TBC1D10C: variants seen among roughly 807,000 people sequenced by gnomAD.
The protein encoded by TBC1D10C is carabin.
Under a neutral mutation model 51.0 loss-of-function variants are expected in TBC1D10C, and 49 were observed. The observed-to-expected ratio is 0.96, with a 90% CI of 0.76 to 1.22. TBC1D10C has a LOEUF of 1.22. Among genes scored for constraint, TBC1D10C ranks in the 50% most tolerant of loss-of-function variants. TBC1D10C has a pLI of 0.00. For missense variants in TBC1D10C, 541 were observed against 617.5 expected, an observed-to-expected ratio of 0.88 and a Z score of 1.31; for synonymous variants, 281 against 266.7, an observed-to-expected ratio of 1.05 and a Z score of -0.52.
In TBC1D10C at chr11:67,404,289, C is replaced by T. The variant is rs1167480670; in HGVS notation, c.87C>T (p.Ser29=). The T allele has an allele frequency of 1.0e-5, 16 of 1,602,112 alleles. No individual in the cohort carries two copies. The highest frequency in any genetic ancestry group is 8.8e-5 in the South Asian group (8 of 90,748). ...SSSLGSDSEL[S]GPGPYRQADR... ...CCTTGGGGTCCGACTCAGAGCTCAG[C>T]GGGCCTGGCCCATATCGCCAGGCCG... Residue 29 remains serine, a synonymous_variant, in exon 1 of 9, where the codon AGC becomes AGT. Coordinates refer to ENST00000542590, the MANE Select transcript of TBC1D10C (RefSeq NM_001369496.1).
Position 67,406,921 on chromosome 11 carries a change from C to T in TBC1D10C, c.743C>T (p.Pro248Leu). 2 of 1,612,736 alleles carry T rather than the reference C, an allele frequency of 1.2e-6. No individual in the cohort carries two copies. Among genetic ancestry groups the T allele is most frequent in the Non-Finnish European group, 1.7e-6 (2 of 1,179,970 alleles). The change falls in exon 7 of 9, where the codon CCC becomes CTC. Residue 248 changes from proline (P) to leucine (L), a missense_variant. Transcript: ENST00000542590. ...HKHLQQVGVGPLLYLPEWFLC... is the reference protein window; with the variant it reads ...HKHLQQVGVGLLLYLPEWFLC... Reference sequence around the variant, plus strand: ...CACCTGCAGCAGGTGGGCGTCGGACCCCTGCTGTACCTGCCCGAGTGGTTC... The same window carrying T: ...CACCTGCAGCAGGTGGGCGTCGGACTCCTGCTGTACCTGCCCGAGTGGTTC...
At chr11:67,406,153 G>T in intron 5 of TBC1D10C, 136 bp downstream of exon 5, 1 of 706,634 alleles carries the variant, frequency 1.4e-6, no homozygotes, top group Non-Finnish European at 2.2e-6. Flanking sequence ...CCTCATGACT[G>T]CCAGCCTCAG....
rs1373579044 is a variant in TBC1D10C at position 67,409,975 on chromosome 11, G to A, written c.*221G>A. On this transcript the variant is annotated 3_prime_UTR_variant, in exon 9 of 9. Coordinates refer to ENST00000542590, the MANE Select transcript of TBC1D10C (RefSeq NM_001369496.1). ...GGGGCACGTGAGGACCCATGGAACC[G>A]TCCTGGTGCCCAGGCCCTCACAAGT... is the stretch of plus-strand genomic sequence containing the variant. 7.5e-6 allele frequency: 4 copies of A among 532,436 alleles called. No homozygotes were observed. Among genetic ancestry groups the A allele is most frequent in the Admixed American group, 7.5e-5 (2 of 26,624 alleles). 33.0% of individuals were successfully genotyped at this position (532,436 alleles called of 1,614,324 possible).
chr11:67,407,206 A>G lies in TBC1D10C; in HGVS notation c.838+190A>G. On this transcript the variant is annotated intron_variant, in intron 7 of 8. Coordinates refer to ENST00000542590, the MANE Select transcript of TBC1D10C (RefSeq NM_001369496.1). ...GCACCGCCTGGTGCAGAGCTGGGCC[A>G]GGGAGGCTTCCAGAGGAGGCAGATG... 7.2e-6 allele frequency: 5 copies of G among 699,068 alleles called. No homozygotes were observed. In the South Asian group the frequency reaches 9.9e-5, roughly 14 times the overall value. The allele number at this position is 699,068 out of a possible 1,614,324, so 43.3% of individuals were successfully genotyped here.
At position 67,409,388 on chromosome 11, in the gene TBC1D10C, C is replaced by T; in HGVS notation, c.994-19C>T. ...CTGCCTTGAGGCCGGGCAAACGCAG[C>T]ACCAACTGCTCCCCACAGGTGCACA... On this transcript the variant is annotated intron_variant, in intron 8 of 8. Coordinates refer to ENST00000542590, the MANE Select transcript of TBC1D10C (RefSeq NM_001369496.1). The T allele has an allele frequency of 6.5e-7, 1 of 1,543,498 alleles. No individual in the cohort carries two copies. The highest frequency in any genetic ancestry group is 8.7e-7 in the Non-Finnish European group (1 of 1,143,146).
In TBC1D10C at chr11:67,409,649, C is replaced by A. The variant is rs376647654; in HGVS notation, c.1236C>A (p.Arg412=). The A allele has an allele frequency of 6.2e-7, 1 of 1,600,912 alleles. No individual in the cohort carries two copies. Among genetic ancestry groups the A allele is most frequent in the African/African-American group, 1.3e-5 (1 of 74,948 alleles). The change falls in exon 9 of 9, where the codon CGC becomes CGA. Residue 412 remains arginine, a synonymous_variant. Coordinates refer to ENST00000542590, the MANE Select transcript of TBC1D10C (RefSeq NM_001369496.1). ...PRPPRRKPQT[R]GKTFHGLLTR... ...CACCGCGGCGGAAACCCCAGACCCGCGGCAAGACTTTCCATGGGCTCCTGA... is the reference window on the plus strand; with the variant it reads ...CACCGCGGCGGAAACCCCAGACCCGAGGCAAGACTTTCCATGGGCTCCTGA...
chr11:67,409,838 T>A lies in TBC1D10C; in HGVS notation c.*84T>A. Reference sequence around the variant, plus strand: ...GCAAATAGGCACCGCACTTTACTCTTGGGACTCGGGGACTTGGCTTCCTTC... The same window carrying A: ...GCAAATAGGCACCGCACTTTACTCTAGGGACTCGGGGACTTGGCTTCCTTC... On this transcript the variant is annotated 3_prime_UTR_variant, in exon 9 of 9. Transcript: ENST00000542590. 1.6e-6 allele frequency: 2 copies of A among 1,246,580 alleles called. No individual in the cohort carries two copies. Among genetic ancestry groups the A allele is most frequent in the Non-Finnish European group, 2.2e-6 (2 of 911,844 alleles). The allele number at this position is 1,246,580 out of a possible 1,614,324, so 77.2% of individuals were successfully genotyped here.
intron 3 of TBC1D10C, 23 bp downstream of exon 3, chr11:67,405,529 C>T: frequency 1.2e-6 from 2 of 1,613,482 alleles, no homozygotes; most frequent in Non-Finnish European, 1.7e-6. Flanking sequence ...GCAGGGGCCC[C>T]AATTCCCCTA....
intron 7 of TBC1D10C, chr11:67,407,442 T>C (rs1863222234): frequency 5.5e-6 from 1 of 182,534 alleles, no homozygotes; most frequent in South Asian, 1.3e-4. Flanking sequence ...TATTTATAGA[T>C]TGTCAGAAGT....
At position 67,405,577 on chromosome 11, in the gene TBC1D10C, C is replaced by T; in HGVS notation, c.361-18C>T. ...CACCACACTGAACCCTCACACCCAC[C>T]TTCCTGGCTACCCACAGGAGCTGGC... On this transcript the variant is annotated intron_variant, in intron 3 of 8. Transcript: ENST00000542590. 1 of 1,613,932 alleles carries T rather than the reference C, an allele frequency of 6.2e-7. No homozygotes were observed. Among genetic ancestry groups the T allele is most frequent in the Non-Finnish European group, 8.5e-7 (1 of 1,179,950 alleles).
intron 3 of TBC1D10C, 30 bp downstream of exon 3, chr11:67,405,536 C>G: frequency 6.2e-7 from 1 of 1,613,574 alleles, no homozygotes; most frequent in Non-Finnish European, 8.5e-7. Flanking sequence ...CCCCAATTCC[C>G]CTACCCAGAG....
chr11:67,409,413 A>G lies in TBC1D10C; in HGVS notation c.1000A>G (p.Ser334Gly), dbSNP rs1430998000. The change falls in exon 9 of 9, where the codon AGC becomes GGC. Residue 334 changes from serine to glycine, a missense_variant. Ser to Gly is a moderately conservative substitution (Grantham distance 56). Coordinates refer to ENST00000542590, the MANE Select transcript of TBC1D10C (RefSeq NM_001369496.1). The stretch of plus-strand genomic sequence containing the variant: ...CACCAACTGCTCCCCACAGGTGCAC[A>G]GCGTGGTGCTGTCAGAGCGGGACCT... Reference protein sequence around the residue: ...QEEAFMSQVHSVVLSERDLQR... With the variant: ...QEEAFMSQVHGVVLSERDLQR... 10 of 1,548,478 alleles carry G rather than the reference A, an allele frequency of 6.5e-6. No individual in the cohort carries two copies. Among genetic ancestry groups the G allele is most frequent in the Non-Finnish European group, 7.9e-6 (9 of 1,146,402 alleles).
Position 67,405,922 on chromosome 11 carries a change from G to T in TBC1D10C, c.487G>T (p.Val163Leu). 1 of 1,598,960 alleles carries T rather than the reference G, an allele frequency of 6.3e-7. No homozygotes were observed. The highest frequency in any genetic ancestry group is 8.5e-7 in the Non-Finnish European group (1 of 1,173,764). The change falls in exon 5 of 9, where the codon GTG becomes TTG. Residue 163 changes from valine to leucine, a missense_variant. Transcript: ENST00000542590. ...GCACAGGCAGCAGGGGCTCCTGCAG[G>T]TGCTCAAGGCCTACACCCTGTATCG... ...QGHGQQGLLQ[V>L]LKAYTLYRPE...
intron 8 of TBC1D10C, 67 bp downstream of exon 8, chr11:67,409,200 G>A: frequency 4.0e-6 from 6 of 1,494,328 alleles, no homozygotes; most frequent in Non-Finnish European, 5.4e-6. Flanking sequence ...GAGTCCCAGA[G>A]CAGGAAGCCA....
intron 1 of TBC1D10C, among the ~76,000 whole-genome samples, 194 bp downstream of exon 1, chr11:67,404,548 C>T (rs779470723): frequency 6.6e-6 from 1 of 152,072 alleles, no homozygotes. Context: ...ACGTCTCTTA[C>T]CCCCAGCCTC....
At chr11:67,404,968 G>C (rs1447011909) in intron 1 of TBC1D10C, 117 bp from the exon 2 acceptor site, 1 of 902,572 alleles carries the variant, frequency 1.1e-6, no homozygotes, top group South Asian at 1.7e-5. Flanking sequence ...ACCCCACAGG[G>C]CTCCCAGAGA....
Position 67,406,644 on chromosome 11 carries a change from G to A in TBC1D10C, c.600G>A (p.Leu200=). 6.4e-7 allele frequency: 1 copy of A among 1,574,308 alleles called. No homozygotes were observed. Among genetic ancestry groups the A allele is most frequent in the Non-Finnish European group, 8.6e-7 (1 of 1,159,138 alleles). The change falls in exon 6 of 9, where the codon CTG becomes CTA. Residue 200 remains leucine (L), a synonymous_variant. Transcript: ENST00000542590. ...HLPPEEAFWC[L]VQICEVYLPG... is the part of the protein sequence containing the mutation. ...TTCCCCAGGAGGCCTTCTGGTGCCT[G>A]GTGCAGATCTGTGAGGTCTACCTCC...
intron 2 of TBC1D10C, 34 bp from the exon 3 acceptor site, chr11:67,405,365 G>C: frequency 6.2e-7 from 1 of 1,603,236 alleles, no homozygotes; most frequent in Non-Finnish European, 8.5e-7. Context: ...GAGCTATGGA[G>C]GCTGCCTAGT....
At position 67,407,013 on chromosome 11, in the gene TBC1D10C, G is replaced by A. The variant is rs755997825; in HGVS notation, c.835G>A (p.Glu279Lys). The A allele has an allele frequency of 1.2e-6, 2 of 1,610,234 alleles. No homozygotes were observed. Among genetic ancestry groups the A allele is most frequent in the South Asian group, 1.1e-5 (1 of 90,914 alleles). The change falls in exon 7 of 9, where the codon GAG (glutamate) becomes AAG (lysine). Residue 279 changes from glutamate to lysine, a missense_variant. Transcript: ENST00000542590. ...GCGTGTCTGGGATGCCTTCCTCAGT[G>A]AGGGTGAGTGGGGCAGCCAGTGGCT... ...VLRVWDAFLS[E>K]GARVLFRVGL...
Sources: allele counts gnomAD v4.1 joint callset (sites outside exome capture counted in the v4.1 genomes callset), GRCh38; gene constraint gnomAD v4.1.1; transcripts MANE v1.5; gene names NCBI Gene and HGNC (gene_info 2026-07-23, HGNC 2026-07-21).